The following NCAM2 variants were observed in gnomAD, a reference collection of about 807,000 sequenced individuals.
The protein encoded by NCAM2 is neural cell adhesion molecule 2, also known as N-CAM-2.
A neutral mutation model predicts 98.1 loss-of-function variants in NCAM2; 30 were observed. That is an observed-to-expected ratio of 0.31 (90% CI 0.23 to 0.41). NCAM2 has a LOEUF of 0.41. Among genes scored for constraint, NCAM2 ranks in the 10% least tolerant of loss-of-function variants. The pLI is 1.00. For missense variants in NCAM2, 867 were observed against 1,005.8 expected, an observed-to-expected ratio of 0.86 and a Z score of 1.87; for synonymous variants, 368 against 342.4, an observed-to-expected ratio of 1.07 and a Z score of -0.83.
At chr21:21,264,692 C>A (rs2072063642) in intron 1 of NCAM2, among the ~76,000 whole-genome samples, 1 of 148,980 alleles carries the variant, frequency 6.7e-6, no homozygotes, top group East Asian at 2.0e-4. Flanking sequence ...TATACACACA[C>A]ATACATACAC....
chr21:21,327,815 G>T (rs1254081679), intron 6 of NCAM2, among the ~76,000 whole-genome samples: 1 of 152,076 alleles, frequency 6.6e-6, no homozygotes, highest in African/African-American at 2.4e-5. Flanking sequence ...ACCCAATTTA[G>T]TTCATAACAT....
intron 1 of NCAM2, among the ~76,000 whole-genome samples, chr21:21,264,781 CAT>C (rs1181011077): frequency 3.9e-4 from 49 of 124,424 alleles, no homozygotes; most frequent in African/African-American, 1.3e-3. Flanking sequence ...TATATATATA[CAT>C]ATATATATAT....
intron 1 of NCAM2, among the ~76,000 whole-genome samples, chr21:21,240,422 A>C (rs945208754): frequency 6.6e-6 from 1 of 151,256 alleles, no homozygotes; most frequent in African/African-American, 2.4e-5. Context: ...ATTGTTTCTG[A>C]GAAAAAAGAT....
chr21:21,350,710 G>A lies in NCAM2; in HGVS notation c.1044+12176G>A, dbSNP rs1429468663. 2.6e-5 allele frequency among the ~76,000 whole-genome samples: 4 copies of A among 152,146 alleles called. No individual in the cohort carries two copies. In the East Asian group the frequency reaches 5.8e-4, roughly 22 times the overall value. On this transcript the variant is annotated intron_variant, in intron 8 of 17. Coordinates refer to ENST00000400546, the MANE Select transcript of NCAM2 (RefSeq NM_004540.5). ...GTCATCCAAAGCATTTTATGTACAT[G>A]TAAAATAATATATGCAATTTTTAAA...
chr21:21,272,807 CAGAA>C (rs1216436623), intron 1 of NCAM2, among the ~76,000 whole-genome samples: 1 of 151,984 alleles, frequency 6.6e-6, no homozygotes, highest in Non-Finnish European at 1.5e-5. Flanking sequence ...TAAGGTAAGA[CAGAA>C]AGAGAATGCT....
intron 1 of NCAM2, among the ~76,000 whole-genome samples, chr21:21,047,971 A>G (rs536537207): frequency 6.6e-6 from 1 of 152,300 alleles, no homozygotes; most frequent in African/African-American, 2.4e-5. Flanking sequence ...TTTTACCCCA[A>G]AATATATTTC....
At chr21:21,416,772 A>T (rs556446513) in intron 10 of NCAM2, among the ~76,000 whole-genome samples, 66 of 152,174 alleles carry the variant, frequency 4.3e-4, no homozygotes, top group African/African-American at 1.6e-3. Context: ...ATAACATTTC[A>T]TTGTGCTGGG....
rs182224257 is a variant in NCAM2, at chr21:21,319,217, T to A, written c.620-5166T>A. 5.1e-4 allele frequency among the ~76,000 whole-genome samples: 78 copies of A among 152,272 alleles called. 1 individual carries two copies. In the East Asian group the frequency reaches 0.015, roughly 29 times the overall value. ...ACCAATTTGGATGGAAAATATTTTTTAAAATAGCAATAAAATTAACAATAC... is the reference window on the plus strand; with the variant it reads ...ACCAATTTGGATGGAAAATATTTTTAAAAATAGCAATAAAATTAACAATAC... On this transcript the variant is annotated intron_variant, in intron 5 of 17. Transcript: ENST00000400546.
At chr21:21,328,378 A>T (rs530235815) in intron 6 of NCAM2, among the ~76,000 whole-genome samples, 3 of 152,302 alleles carry the variant, frequency 2.0e-5, no homozygotes, top group Admixed American at 2.0e-4. Flanking sequence ...TATAAAAGAG[A>T]GAAGTTAACT....
intron 1 of NCAM2, among the ~76,000 whole-genome samples, chr21:21,175,809 T>G (rs1200680668): frequency 2.0e-5 from 3 of 152,174 alleles, no homozygotes; most frequent in Non-Finnish European, 4.4e-5. Flanking sequence ...GACAAACTGA[T>G]TTGTACTGTG....
intron 1 of NCAM2, among the ~76,000 whole-genome samples, chr21:21,027,148 G>A (rs529439759): frequency 1.3e-5 from 2 of 152,112 alleles, no homozygotes; most frequent in Admixed American, 6.5e-5. Flanking sequence ...GTGAGCCGCC[G>A]TGCCCGGCCC....
At chr21:21,459,807 G>T (rs1237601384) in intron 12 of NCAM2, among the ~76,000 whole-genome samples, 1 of 151,580 alleles carries the variant, frequency 6.6e-6, no homozygotes, top group African/African-American at 2.4e-5. Flanking sequence ...GAGAGATAAT[G>T]TACCGCATTG....
intron 1 of NCAM2, among the ~76,000 whole-genome samples, chr21:21,034,047 G>T (rs1312899403): frequency 6.9e-6 from 1 of 145,870 alleles, no homozygotes; most frequent in Admixed American, 6.9e-5. Flanking sequence ...ATAAGAGATA[G>T]GCAAAGGGGG....
intron 1 of NCAM2, among the ~76,000 whole-genome samples, chr21:21,242,328 T>A (rs796513183): frequency 2.6e-4 from 40 of 152,310 alleles, no homozygotes; most frequent in African/African-American, 8.9e-4. Context: ...AACATACTTA[T>A]TTTTTTGTAG....
chr21:21,251,481 G>A (rs187397256), intron 1 of NCAM2, among the ~76,000 whole-genome samples: 5 of 152,246 alleles, frequency 3.3e-5, no homozygotes, highest in African/African-American at 9.6e-5. Context: ...CAAAGGACAT[G>A]ATCTCATTGT....
intron 5 of NCAM2, among the ~76,000 whole-genome samples, chr21:21,323,665 C>T (rs1355215559): frequency 1.3e-5 from 2 of 152,062 alleles, no homozygotes; most frequent in African/African-American, 4.8e-5. Context: ...TCAACATGTT[C>T]CAAATGTGCA....
At position 21,292,260 on chromosome 21, in the gene NCAM2, G is replaced by A. The variant is rs757639076; in HGVS notation, c.619+19G>A. 6.3e-7 allele frequency: 1 copy of A among 1,592,940 alleles called. No individual in the cohort carries two copies. Among genetic ancestry groups the A allele is most frequent in the South Asian group, 1.1e-5 (1 of 87,274 alleles). The stretch of plus-strand genomic sequence containing the variant: ...GTTAATGGTAAGCAGTAAATAATTT[G>A]TACATGTTTTATGGATTCATTTTAG... On this transcript the variant is annotated intron_variant, in intron 5 of 17. Coordinates refer to ENST00000400546, the MANE Select transcript of NCAM2 (RefSeq NM_004540.5).
At chr21:21,322,590 A>G (rs2074404176) in intron 5 of NCAM2, among the ~76,000 whole-genome samples, 1 of 152,160 alleles carries the variant, frequency 6.6e-6, no homozygotes, top group African/African-American at 2.4e-5. Context: ...TTGAATTACA[A>G]ATGAGTATAC....
chr21:21,233,595 T>C, intron 1 of NCAM2, among the ~76,000 whole-genome samples: 1 of 151,686 alleles, frequency 6.6e-6, no homozygotes, highest in South Asian at 2.1e-4. Flanking sequence ...TTTATTGCTG[T>C]CTGGAAAATG....
Sources: allele counts gnomAD v4.1 joint callset (sites outside exome capture counted in the v4.1 genomes callset), GRCh38; gene constraint gnomAD v4.1.1; transcripts MANE v1.5; gene names NCBI Gene and HGNC (gene_info 2026-07-23, HGNC 2026-07-21).